GPR39: variants seen among roughly 807,000 people sequenced by gnomAD.
The protein encoded by GPR39 is G protein-coupled receptor 39.
GPR39 carries 23 observed loss-of-function variants against 18.4 expected under a neutral mutation model. The observed-to-expected ratio is 1.25, with a 90% CI of 0.90 to 1.77. GPR39 has a LOEUF of 1.77. GPR39 is among the 40% of genes most tolerant of loss of function. The probability of loss-of-function intolerance (pLI) is 0.00; values close to 1 mark genes in which losing one functional copy is unlikely to be tolerated. For missense variants in GPR39, 647 were observed against 602.4 expected (o/e 1.07, Z -0.78); for synonymous variants, 280 against 257.9 (o/e 1.09, Z -0.82).
chr2:132,578,867 C>A (rs1351204644), intron 1 of GPR39, among the ~76,000 whole-genome samples: 1 of 152,048 alleles, frequency 6.6e-6, no homozygotes, highest in African/African-American at 2.4e-5. Context: ...TTTGTGTCCT[C>A]ACTATTTCTT....
At chr2:132,641,919 A>G (rs112116571) in intron 1 of GPR39, among the ~76,000 whole-genome samples, 1 of 152,236 alleles carries the variant, frequency 6.6e-6, no homozygotes, top group Non-Finnish European at 1.5e-5. Flanking sequence ...AATACACAGC[A>G]TGGATTTTGG....
At chr2:132,487,782 C>G (rs1000756224) in intron 1 of GPR39, among the ~76,000 whole-genome samples, 25 of 151,554 alleles carry the variant, frequency 1.6e-4, no homozygotes, top group African/African-American at 6.1e-4. Context: ...GGATAAGAGT[C>G]GTAGAGGGTA....
intron 1 of GPR39, among the ~76,000 whole-genome samples, chr2:132,618,761 T>A (rs1032501896): frequency 1.3e-5 from 2 of 152,190 alleles, no homozygotes; most frequent in African/African-American, 4.8e-5. Context: ...ATCTTCAGCA[T>A]CACCCTCACA....
chr2:132,598,785 G>C (rs1680991734), intron 1 of GPR39, among the ~76,000 whole-genome samples: 1 of 152,088 alleles, frequency 6.6e-6, no homozygotes, highest in African/African-American at 2.4e-5. Flanking sequence ...CAATCTCGGA[G>C]ATCCCTCTGA....
chr2:132,595,394 A>T (rs1379720273), intron 1 of GPR39, among the ~76,000 whole-genome samples: 1 of 152,084 alleles, frequency 6.6e-6, no homozygotes, highest in East Asian at 1.9e-4. Context: ...AGCTAAGGTT[A>T]CCATGGGCCT....
chr2:132,449,219 C>A (rs1041308859), intron 1 of GPR39, among the ~76,000 whole-genome samples: 1 of 124,738 alleles, frequency 8.0e-6, no homozygotes, highest in African/African-American at 2.9e-5. Context: ...TTTTCTTTTT[C>A]CTTTCCTTCG....
intron 1 of GPR39, among the ~76,000 whole-genome samples, chr2:132,485,939 T>C (rs1681329311): frequency 6.6e-6 from 1 of 152,314 alleles, no homozygotes; most frequent in Non-Finnish European, 1.5e-5. Flanking sequence ...CCCAGACTTA[T>C]CAGAAGGATC....
At chr2:132,640,129 G>A (rs1477802138) in intron 1 of GPR39, among the ~76,000 whole-genome samples, 1 of 152,052 alleles carries the variant, frequency 6.6e-6, no homozygotes, top group East Asian at 1.9e-4. Flanking sequence ...TGGAATTCTG[G>A]GGAACACACT....
chr2:132,543,462 G>A (rs963649906), intron 1 of GPR39, among the ~76,000 whole-genome samples: 6 of 152,136 alleles, frequency 3.9e-5, no homozygotes, highest in South Asian at 2.1e-4. Flanking sequence ...CTCCAGGGTC[G>A]CTTCCCTTAC....
chr2:132,569,672 C>T (rs1680409483), intron 1 of GPR39, among the ~76,000 whole-genome samples: 1 of 151,974 alleles, frequency 6.6e-6, no homozygotes, highest in Non-Finnish European at 1.5e-5. Context: ...TGGCTGTCAA[C>T]CTGACTGATA....
At chr2:132,517,950 C>CT (rs565032318) in intron 1 of GPR39, among the ~76,000 whole-genome samples, 6 of 152,130 alleles carry the variant, frequency 3.9e-5, no homozygotes, top group Non-Finnish European at 5.9e-5. Flanking sequence ...CCCATAGGGG[C>CT]TTTTTTTCCT....
chr2:132,501,472 T>C (rs535627281), intron 1 of GPR39, among the ~76,000 whole-genome samples: 39 of 152,290 alleles, frequency 2.6e-4, no homozygotes, highest in African/African-American at 8.2e-4. Context: ...TTTTAAAATT[T>C]AGTGAGACTT....
At chr2:132,521,393 T>C (rs1260021969) in intron 1 of GPR39, among the ~76,000 whole-genome samples, 1 of 152,210 alleles carries the variant, frequency 6.6e-6, no homozygotes, top group African/African-American at 2.4e-5. Flanking sequence ...TTAACACTCT[T>C]TGAATTTACC....
chr2:132,531,273 G>C (rs1261606140), intron 1 of GPR39, among the ~76,000 whole-genome samples: 2 of 152,290 alleles, frequency 1.3e-5, no homozygotes, highest in East Asian at 3.9e-4. Flanking sequence ...TTACATAATG[G>C]TAAAGGGATC....
In GPR39 at chr2:132,539,538, A is replaced by G. The variant is rs190633101; in HGVS notation, c.857-105563A>G. 2.6e-3 allele frequency among the ~76,000 whole-genome samples: 400 copies of G among 152,286 alleles called. 4 individuals carry two copies. Among genetic ancestry groups the G allele is most frequent in the Non-Finnish European group, 6.5e-4 (44 of 68,022 alleles). On this transcript the variant is annotated intron_variant, in intron 1 of 1. Coordinates refer to ENST00000329321, the MANE Select transcript of GPR39 (RefSeq NM_001508.3). ...ACTATGCTAGAGTGTTAGGGAGAAT[A>G]TTTTGGGATAGAGAAGTTGTTCTGG...
At chr2:132,515,188 G>T (rs1283354308) in intron 1 of GPR39, among the ~76,000 whole-genome samples, 2 of 152,196 alleles carry the variant, frequency 1.3e-5, no homozygotes, top group African/African-American at 2.4e-5. Flanking sequence ...GTTCTGCCAA[G>T]GTTTCCACCA....
chr2:132,497,054 A>G (rs1488620857), intron 1 of GPR39, among the ~76,000 whole-genome samples: 1 of 152,204 alleles, frequency 6.6e-6, no homozygotes, highest in Non-Finnish European at 1.5e-5. Flanking sequence ...ATGTCCTTAT[A>G]CATGCATATC....
chr2:132,644,178 TGTCA>T (rs1165294247), intron 1 of GPR39, among the ~76,000 whole-genome samples: 7 of 152,238 alleles, frequency 4.6e-5, no homozygotes, highest in East Asian at 3.9e-4. Context: ...TCTTTATCTC[TGTCA>T]GTCAGAATTG....
At chr2:132,421,016 C>T (rs886090707) in intron 1 of GPR39, among the ~76,000 whole-genome samples, 2 of 152,234 alleles carry the variant, frequency 1.3e-5, no homozygotes, top group Admixed American at 6.5e-5. Flanking sequence ...TTCAAGGTTT[C>T]AGCCAGTGTG....
Sources: allele counts gnomAD v4.1 joint callset (sites outside exome capture counted in the v4.1 genomes callset), GRCh38; gene constraint gnomAD v4.1.1; transcripts MANE v1.5; gene names NCBI Gene and HGNC (gene_info 2026-07-23, HGNC 2026-07-21).